The following RAB38 variants were observed in gnomAD, a reference collection of about 807,000 sequenced individuals.
RAB38 encodes RAB38, member RAS oncogene family, also known as ras-related protein Rab-38.
In RAB38, 15 loss-of-function variants were observed where a neutral mutation model predicts 18.4. The ratio of observed to expected loss-of-function variants is 0.82; its 90% CI spans 0.55 to 1.26. The LOEUF (loss-of-function observed/expected upper bound fraction) is 1.26. RAB38 is among the 50% of genes most tolerant of loss of function. RAB38 has a pLI of 0.00. For missense variants in RAB38, 294 were observed against 267.4 expected, an observed-to-expected ratio of 1.10 and a Z score of -0.69; for synonymous variants, 101 against 104.4, an observed-to-expected ratio of 0.97 and a Z score of 0.20.
the RAB38 span, among the ~76,000 whole-genome samples, chr11:88,073,869 C>T: frequency 6.6e-6 from 1 of 151,366 alleles, no homozygotes; most frequent in Non-Finnish European, 1.5e-5. Context: ...AATTTTAGAA[C>T]TGAGGAATAT....
chr11:88,117,393 G>A (rs1483228820), intron 2 of RAB38, among the ~76,000 whole-genome samples: 1 of 152,164 alleles, frequency 6.6e-6, no homozygotes, highest in Non-Finnish European at 1.5e-5. Flanking sequence ...TAGAGCCATT[G>A]AGGGTTTTTT....
At chr11:87,852,201 A>C in the RAB38 span, among the ~76,000 whole-genome samples, 4 of 152,064 alleles carry the variant, frequency 2.6e-5, no homozygotes, top group African/African-American at 9.7e-5. Context: ...TTTATGACCT[A>C]CTTCAGGGAA....
Position 88,113,775 on chromosome 11 carries a change from A to C in RAB38, c.*213T>G, listed in dbSNP as rs776896469. ...ATGACAGAAGTTTGTAACAGACTAA[A>C]TATTTTCAAAAGTTTGTAAACACTG... On this transcript the variant is annotated 3_prime_UTR_variant, in exon 3 of 3. Transcript: ENST00000243662. 1.3e-4 allele frequency: 81 copies of C among 600,010 alleles called. No homozygotes were observed. Among genetic ancestry groups the C allele is most frequent in the Middle Eastern group, 5.4e-4 (2 of 3,722 alleles). 37.2% of individuals were successfully genotyped at this position (600,010 alleles called of 1,614,324 possible). A position where few individuals can be genotyped will look rare whatever the true frequency, so the allele number is the denominator to read the frequency against.
At chr11:88,144,734 A>G (rs778669839) in intron 2 of RAB38, among the ~76,000 whole-genome samples, 1 of 152,208 alleles carries the variant, frequency 6.6e-6, no homozygotes, top group Non-Finnish European at 1.5e-5. Context: ...AAAAGTCACT[A>G]TAAATAGCAT....
At chr11:87,823,956 A>G in the RAB38 span, among the ~76,000 whole-genome samples, 2 of 152,200 alleles carry the variant, frequency 1.3e-5, no homozygotes, top group East Asian at 1.9e-4. Flanking sequence ...TCAATTTCAC[A>G]TTGCTATATT....
the RAB38 span, among the ~76,000 whole-genome samples, chr11:87,957,166 C>T: frequency 6.6e-6 from 1 of 152,050 alleles, no homozygotes; most frequent in Non-Finnish European, 1.5e-5. Context: ...CCCCCTTTGT[C>T]CCTTAGGTGG....
the RAB38 span, among the ~76,000 whole-genome samples, chr11:87,944,635 T>C: frequency 2.0e-3 from 306 of 152,326 alleles, no homozygotes; most frequent in Non-Finnish European, 3.5e-3. Context: ...TGAGAGATTC[T>C]AGAAATGCTT....
the RAB38 span, among the ~76,000 whole-genome samples, chr11:88,022,860 CATGT>C: frequency 6.6e-6 from 1 of 152,054 alleles, no homozygotes. Flanking sequence ...CATATGCATG[CATGT>C]GTCTTTATAA....
the RAB38 span, among the ~76,000 whole-genome samples, chr11:87,946,048 C>T: frequency 6.6e-6 from 1 of 152,112 alleles, no homozygotes; most frequent in Admixed American, 6.6e-5. Context: ...TTCACACATG[C>T]CAAAGCTAGA....
At chr11:87,909,767 T>C in the RAB38 span, among the ~76,000 whole-genome samples, 1 of 152,096 alleles carries the variant, frequency 6.6e-6, no homozygotes, top group African/African-American at 2.4e-5. Flanking sequence ...TACCAATTGT[T>C]CCTTACTTTT....
chr11:87,862,244 G>C, the RAB38 span, among the ~76,000 whole-genome samples: 2 of 151,864 alleles, frequency 1.3e-5, no homozygotes, highest in African/African-American at 4.8e-5. Flanking sequence ...CAATAGCAAA[G>C]ACATAGAATC....
chr11:87,855,382 C>A, the RAB38 span, among the ~76,000 whole-genome samples: 30,209 of 152,048 alleles, frequency 0.2, 3,813 homozygotes, highest in African/African-American at 0.34. Flanking sequence ...CCATTTCAAC[C>A]AGACCCCTGT....
At chr11:87,919,460 A>G in the RAB38 span, among the ~76,000 whole-genome samples, 1 of 151,942 alleles carries the variant, frequency 6.6e-6, no homozygotes, top group Non-Finnish European at 1.5e-5. Flanking sequence ...CCACTTGCTC[A>G]TAGTGAATTA....
At chr11:88,071,308 C>A in the RAB38 span, among the ~76,000 whole-genome samples, 1 of 151,842 alleles carries the variant, frequency 6.6e-6, no homozygotes, top group Non-Finnish European at 1.5e-5. Context: ...TGGGAAGGAA[C>A]AGAAACAAAA....
At chr11:88,061,752 T>C in the RAB38 span, 1 of 152,146 alleles carries the variant, frequency 6.6e-6, no homozygotes. Context: ...CAACTCACAG[T>C]GTGCTGGCAA....
At chr11:88,170,312 T>C (rs774997739) in intron 1 of RAB38, among the ~76,000 whole-genome samples, 11 of 152,196 alleles carry the variant, frequency 7.2e-5, no homozygotes, top group Non-Finnish European at 1.3e-4. Flanking sequence ...AGACTCGATA[T>C]GCATTTTGGG....
At chr11:88,119,644 T>G (rs1206049926) in intron 2 of RAB38, among the ~76,000 whole-genome samples, 2 of 150,454 alleles carry the variant, frequency 1.3e-5, no homozygotes, top group Non-Finnish European at 2.9e-5. Flanking sequence ...AAGTATTTAA[T>G]CTTTGACCCC....
the RAB38 span, among the ~76,000 whole-genome samples, chr11:87,896,854 T>A: frequency 1.3e-5 from 2 of 151,636 alleles, no homozygotes; most frequent in Non-Finnish European, 3.0e-5. Context: ...CCAGCACATA[T>A]TAGGCACTCA....
At chr11:87,891,383 C>T in the RAB38 span, among the ~76,000 whole-genome samples, 2 of 151,818 alleles carry the variant, frequency 1.3e-5, no homozygotes, top group African/African-American at 2.4e-5. Flanking sequence ...TCATTACACA[C>T]AGAGGAAGAA....
Sources: gnomAD v4.1 joint callset for allele counts (sites outside exome capture counted in the v4.1 genomes callset) on GRCh38, gnomAD v4.1.1 for gene constraint, MANE v1.5 for transcripts, NCBI Gene and HGNC (gene_info 2026-07-23, HGNC 2026-07-21) for gene names.